COPB2: variants seen among roughly 807,000 people sequenced by gnomAD.
COPB2 encodes the protein coatomer subunit beta'.
Under a neutral mutation model 120.8 loss-of-function variants are expected in COPB2, and 16 were observed. The ratio of observed to expected loss-of-function variants is 0.13; its 90% CI spans 0.09 to 0.20. The LOEUF (loss-of-function observed/expected upper bound fraction) is 0.20, where lower values mean the gene tolerates loss of function less well. COPB2 is among the 10% of genes least tolerant of loss of function. The pLI is 1.00. For synonymous variants in COPB2, 332 were observed against 366.3 expected (o/e 0.91, Z 1.07); for missense variants, 794 against 1,076.5 (o/e 0.74, Z 3.67).
intron 15 of COPB2, among the ~76,000 whole-genome samples, chr3:139,363,848 G>A (rs541951791): frequency 2.6e-5 from 4 of 152,234 alleles, no homozygotes; most frequent in African/African-American, 9.6e-5. Context: ...ATGTAAATAA[G>A]GCATTCTAAA....
At chr3:139,374,370 A>T in intron 7 of COPB2, 119 bp downstream of exon 7, 6 of 761,106 alleles carry the variant, frequency 7.9e-6, no homozygotes, top group Non-Finnish European at 1.1e-5. Flanking sequence ...TAAGTCTGGT[A>T]CTTTAATAAA....
In COPB2 at chr3:139,378,181, G is replaced by A; in HGVS notation, c.364C>T (p.Leu122Phe). The A allele has an allele frequency of 6.4e-7, 1 of 1,564,922 alleles. No homozygotes were observed. Among genetic ancestry groups the A allele is most frequent in the Non-Finnish European group, 8.7e-7 (1 of 1,144,096 alleles). Residue 122 changes from leucine to phenylalanine, a missense_variant, in exon 5 of 22, where the codon CTT (leucine) becomes TTT (phenylalanine). Around this residue, in one of 3 missense-constraint regions of COPB2, gnomAD observed 610 missense variants for 866.7 expected, o/e 0.70. Coordinates refer to ENST00000333188, the MANE Select transcript of COPB2 (RefSeq NM_004766.3). ...PFILTSSDDM[L>F]IKLWDWDKKW... ...TTATCCCAGTCCCAGAGCTTAATAA[G>A]CATGTCATCTAGGCCAAAAGAAAGT...
intron 5 of COPB2, among the ~76,000 whole-genome samples, chr3:139,376,755 T>C (rs116896998): frequency 6.6e-6 from 1 of 152,140 alleles, no homozygotes; most frequent in African/African-American, 2.4e-5. Flanking sequence ...TTAATTAATT[T>C]ATTTATTTAT....
intron 10 of COPB2, among the ~76,000 whole-genome samples, chr3:139,370,065 G>T (rs1941593535): frequency 1.3e-5 from 2 of 152,182 alleles, no homozygotes; most frequent in African/African-American, 4.8e-5. Context: ...GGTGGATGGG[G>T]GGTATGGACA....
intron 8 of COPB2, 124 bp downstream of exon 8, chr3:139,373,542 T>C: frequency 1.3e-6 from 2 of 1,497,708 alleles, no homozygotes; most frequent in Non-Finnish European, 1.8e-6. Context: ...CATTGCTTAA[T>C]GTCTAGTGCT....
At chr3:139,365,255 A>G (rs1391928664) in intron 15 of COPB2, among the ~76,000 whole-genome samples, 1 of 152,220 alleles carries the variant, frequency 6.6e-6, no homozygotes, top group Non-Finnish European at 1.5e-5. Flanking sequence ...AACAGAGATG[A>G]CATTCAGAAA....
intron 20 of COPB2, chr3:139,358,541 G>A (rs752458101): frequency 2.8e-5 from 17 of 603,786 alleles, no homozygotes; most frequent in East Asian, 5.5e-5. Flanking sequence ...TAGCCGGACC[G>A]GTGATGGGCG....
At position 139,369,623 on chromosome 3, in the gene COPB2, A is replaced by T. The variant is rs1473267799; in HGVS notation, c.1206-79T>A. On this transcript the variant is annotated intron_variant, in intron 10 of 21. Coordinates refer to ENST00000333188, the MANE Select transcript of COPB2 (RefSeq NM_004766.3). ...CTACCAAATGTTGGAAATATCTTCA[A>T]ATATTTTTCAGTAATTATGCAAAAA... The T allele has an allele frequency of 4.5e-6, 4 of 891,714 alleles. No individual in the cohort carries two copies. The East Asian group carries it at 1.0e-4, about 23-fold the overall frequency. 55.2% of individuals were successfully genotyped at this position (891,714 alleles called of 1,614,324 possible).
chr3:139,384,534 C>T (rs781365630), intron 1 of COPB2, among the ~76,000 whole-genome samples: 18 of 152,188 alleles, frequency 1.2e-4, no homozygotes, highest in Non-Finnish European at 2.4e-4. Flanking sequence ...TCTGAATAAG[C>T]AGAGTTTCTC....
chr3:139,375,970 T>A (rs78069957), intron 5 of COPB2, among the ~76,000 whole-genome samples: 9,207 of 152,264 alleles, frequency 0.06, 384 homozygotes, highest in Middle Eastern at 0.13. Flanking sequence ...TAAAAGTTGC[T>A]GGGTGTGGTG....
At chr3:139,377,927 G>C in intron 5 of COPB2, 114 bp downstream of exon 5, 2 of 1,013,628 alleles carry the variant, frequency 2.0e-6, no homozygotes, top group Non-Finnish European at 2.7e-6. Context: ...TTCAAAACAG[G>C]CTTTTGAGGA....
intron 15 of COPB2, among the ~76,000 whole-genome samples, chr3:139,362,878 C>T (rs987094511): frequency 2.6e-5 from 4 of 152,168 alleles, no homozygotes; most frequent in Non-Finnish European, 5.9e-5. Flanking sequence ...AGAATCATTT[C>T]AAAAGAAGAA....
intron 1 of COPB2, among the ~76,000 whole-genome samples, chr3:139,386,636 T>G (rs967081195): frequency 1.3e-5 from 2 of 152,142 alleles, no homozygotes; most frequent in Admixed American, 6.5e-5. Flanking sequence ...TTTAACTTCT[T>G]TTTAAATCTC....
rs763165876 is a variant in COPB2 at position 139,359,175 on chromosome 3, T to C, written c.2307A>G (p.Val769=). The C allele has an allele frequency of 6.2e-7, 1 of 1,613,172 alleles. No individual in the cohort carries two copies. Among genetic ancestry groups the C allele is most frequent in the Non-Finnish European group, 8.5e-7 (1 of 1,179,744 alleles). Residue 769 remains valine, a synonymous_variant, in exon 19 of 22, where the codon GTA becomes GTG. Coordinates refer to ENST00000333188, the MANE Select transcript of COPB2 (RefSeq NM_004766.3). ...RTYLPSQVSR[V]VKLWRENLSK... The stretch of plus-strand genomic sequence containing the variant: ...AGAGATTCTCTCTCCAGAGTTTCAC[T>C]ACCCTATTATAGACATCATGGAACC...
In COPB2 at chr3:139,387,071, C is replaced by T. The variant is rs377387985; in HGVS notation, c.3+2477G>A. On this transcript the variant is annotated intron_variant, in intron 1 of 21. Coordinates refer to ENST00000333188, the MANE Select transcript of COPB2 (RefSeq NM_004766.3). ...AAAAAAAAAAAAAAAATTAGTTGGA[C>T]GTGGTGGCACGCGCCTGCAGTCCCA... 9.4e-5 allele frequency among the ~76,000 whole-genome samples: 14 copies of T among 148,398 alleles called. No individual in the cohort carries two copies. In the South Asian group the frequency reaches 1.1e-3, roughly 11 times the overall value.
At chr3:139,366,915 A>G (rs1187192109) in intron 14 of COPB2, 100 bp downstream of exon 14, 26 of 1,502,392 alleles carry the variant, frequency 1.7e-5, no homozygotes, top group South Asian at 1.7e-4. Flanking sequence ...TACTAAAACT[A>G]TAACACTGAA....
intron 10 of COPB2, among the ~76,000 whole-genome samples, chr3:139,371,090 C>A (rs770615490): frequency 1.3e-5 from 2 of 152,132 alleles, no homozygotes; most frequent in African/African-American, 2.4e-5. Flanking sequence ...AAACACTAAA[C>A]CCCTAATGTT....
At chr3:139,362,158 T>G (rs1219759771) in intron 16 of COPB2, among the ~76,000 whole-genome samples, 1 of 152,130 alleles carries the variant, frequency 6.6e-6, no homozygotes, top group Non-Finnish European at 1.5e-5. Flanking sequence ...AGAGCTCACA[T>G]AAGATATGAA....
chr3:139,387,042 T>C (rs1001290629), intron 1 of COPB2, among the ~76,000 whole-genome samples: 3 of 66,210 alleles, frequency 4.5e-5, no homozygotes, highest in South Asian at 4.6e-4. Flanking sequence ...CTACTAAAAA[T>C]ACAAAAAAAA....
Sources: allele counts gnomAD v4.1 joint callset (sites outside exome capture counted in the v4.1 genomes callset), GRCh38; gene constraint gnomAD v4.1.1; regional missense constraint gnomAD v4.1.1; transcripts MANE v1.5; gene names NCBI Gene and HGNC (gene_info 2026-07-23, HGNC 2026-07-21).